CLDN10: variants seen among roughly 807,000 people sequenced by gnomAD.
The protein encoded by CLDN10 is claudin-10.
CLDN10 carries 15 observed loss-of-function variants against 22.9 expected under a neutral mutation model. The ratio of observed to expected loss-of-function variants is 0.65; its 90% confidence interval spans 0.44 to 1.01. The LOEUF (loss-of-function observed/expected upper bound fraction) is 1.01. Ranked by LOEUF, CLDN10 falls within the 50% of genes least tolerant of loss-of-function variation. The pLI is 0.00. For synonymous variants in CLDN10, 114 were observed against 111.4 expected (o/e 1.02, Z -0.15); for missense variants, 247 against 287.8 (o/e 0.86, Z 1.03).
chr13:95,522,056 T>G (rs1594584801), intron 1 of CLDN10, among the ~76,000 whole-genome samples: 1 of 152,216 alleles, frequency 6.6e-6, no homozygotes, highest in East Asian at 1.9e-4. Context: ...TTCTTTTCTT[T>G]TTCTTTTTTT....
intron 1 of CLDN10, among the ~76,000 whole-genome samples, chr13:95,458,699 G>A (rs1223780616): frequency 6.6e-6 from 1 of 152,140 alleles, no homozygotes; most frequent in Non-Finnish European, 1.5e-5. Context: ...CACAATTCAA[G>A]ATGAGATTTT....
intron 1 of CLDN10, among the ~76,000 whole-genome samples, chr13:95,518,366 G>A (rs1318498178): frequency 6.6e-6 from 1 of 152,112 alleles, no homozygotes; most frequent in Admixed American, 6.5e-5. Flanking sequence ...ACAAAGTTCT[G>A]TTATAGATCA....
At chr13:95,489,554 G>C (rs2042846816) in intron 1 of CLDN10, among the ~76,000 whole-genome samples, 1 of 151,752 alleles carries the variant, frequency 6.6e-6, no homozygotes, top group Non-Finnish European at 1.5e-5. Flanking sequence ...CATGTCCTTG[G>C]GCCACTTTTT....
chr13:95,565,242 AAACCACT>A (rs1484737527), intron 3 of CLDN10, among the ~76,000 whole-genome samples: 1 of 152,186 alleles, frequency 6.6e-6, no homozygotes, highest in Non-Finnish European at 1.5e-5. Flanking sequence ...TTTGTTATCC[AAACCACT>A]AACTTTCTGA....
chr13:95,479,771 T>G (rs1331808095), intron 1 of CLDN10: 1 of 152,232 alleles, frequency 6.6e-6, no homozygotes, highest in Non-Finnish European at 1.5e-5. Context: ...CAGTGACAGA[T>G]GCAGGGTTTG....
intron 1 of CLDN10, among the ~76,000 whole-genome samples, chr13:95,444,682 C>T (rs1447687809): frequency 1.3e-5 from 2 of 152,176 alleles, no homozygotes; most frequent in Non-Finnish European, 2.9e-5. Flanking sequence ...CTCATCCAAC[C>T]CAAAAATTAT....
chr13:95,540,182 C>T (rs1436356119), intron 1 of CLDN10, among the ~76,000 whole-genome samples: 2 of 152,070 alleles, frequency 1.3e-5, no homozygotes, highest in Admixed American at 1.3e-4. Flanking sequence ...TGCCTGTAGT[C>T]CCAGCTACTT....
rs2043142251 is a variant in CLDN10, at chr13:95,514,568, A to G, written c.215-45564A>G. Among the ~76,000 whole-genome samples, 3 of 152,158 alleles carry G rather than the reference A, an allele frequency of 2.0e-5. 1 individual carries two copies. Among genetic ancestry groups the G allele is most frequent in the Admixed American group, 6.5e-5 (1 of 15,274 alleles). ...GAAGAGAGGAGTAAAAGTGTTTCAG[A>G]CAAAAGGATCCCTAAGTGCAAAGTC... On this transcript the variant is annotated intron_variant, in intron 1 of 4. Coordinates refer to the CLDN10 transcript ENST00000376873.
rs181691198 is a variant in CLDN10 at position 95,504,232 on chromosome 13, C to T, written c.215-55900C>T. Among the ~76,000 whole-genome samples, 124 of 152,246 alleles carry T rather than the reference C, an allele frequency of 8.1e-4. 1 individual carries two copies. Among genetic ancestry groups the T allele is most frequent in the Non-Finnish European group, 1.6e-3 (108 of 68,018 alleles). ...TAAGTTACAGAAGACTATATATGGG[C>T]ATATTTATGGACAGGAAAACAGGAA... is the stretch of plus-strand genomic sequence containing the variant. On this transcript the variant is annotated intron_variant, in intron 1 of 4. Coordinates refer to the CLDN10 transcript ENST00000376873.
upstream of CLDN10, among the ~76,000 whole-genome samples, chr13:95,549,273 A>G (rs2043541052): frequency 6.6e-6 from 1 of 152,244 alleles, no homozygotes. Flanking sequence ...TTTATATTTA[A>G]ATTAAGAATA....
intron 1 of CLDN10, among the ~76,000 whole-genome samples, chr13:95,520,746 G>A (rs1350510509): frequency 6.6e-6 from 1 of 152,130 alleles, no homozygotes; most frequent in Non-Finnish European, 1.5e-5. Context: ...ACATTGAAAG[G>A]CAGAGGCAGG....
chr13:95,574,114 C>G (rs1026938582), intron 3 of CLDN10, among the ~76,000 whole-genome samples: 1 of 152,162 alleles, frequency 6.6e-6, no homozygotes, highest in African/African-American at 2.4e-5. Context: ...TTAATCCAGT[C>G]CATCATTGAT....
intron 1 of CLDN10, among the ~76,000 whole-genome samples, chr13:95,458,033 G>T (rs2042498954): frequency 6.6e-6 from 1 of 152,158 alleles, no homozygotes; most frequent in Non-Finnish European, 1.5e-5. Flanking sequence ...GGGTCTAATG[G>T]GGGTTGGCTG....
At chr13:95,506,791 G>A (rs915098474) in intron 1 of CLDN10, among the ~76,000 whole-genome samples, 2 of 152,184 alleles carry the variant, frequency 1.3e-5, no homozygotes, top group Admixed American at 6.5e-5. Context: ...CAAAAGGAAG[G>A]GGAGGGAAGA....
At chr13:95,518,501 A>T (rs1169596501) in intron 1 of CLDN10, among the ~76,000 whole-genome samples, 1 of 152,194 alleles carries the variant, frequency 6.6e-6, no homozygotes, top group African/African-American at 2.4e-5. Flanking sequence ...CACGCCTGTA[A>T]TCCCAGCACT....
At chr13:95,568,112 C>T (rs987258953) in intron 3 of CLDN10, among the ~76,000 whole-genome samples, 1 of 152,134 alleles carries the variant, frequency 6.6e-6, no homozygotes, top group African/African-American at 2.4e-5. Context: ...CTCTTCTATA[C>T]TTATTATAAT....
intron 1 of CLDN10, among the ~76,000 whole-genome samples, chr13:95,475,322 G>T (rs186215616): frequency 2.0e-4 from 31 of 152,296 alleles, no homozygotes; most frequent in African/African-American, 7.2e-4. Context: ...GTTCAAAAGG[G>T]GAGCACCTGG....
Position 95,486,522 on chromosome 13 carries a change from C to CA in CLDN10, c.214+52496dup, listed in dbSNP as rs35424054. Among the ~76,000 whole-genome samples the CA allele has an allele frequency of 3.8e-3, 431 of 113,320 alleles. 4 individuals carry two copies. The highest frequency in any genetic ancestry group is 6.5e-3 in the East Asian group (24 of 3,690). The allele number at this position is 113,320 out of a possible 152,430, so 74.3% of individuals were successfully genotyped here. On this transcript the variant is annotated intron_variant, in intron 1 of 4. Coordinates refer to the CLDN10 transcript ENST00000376873. ...TGGGCAACACAGTGAGACCCCATCT[C>CA]AAAAAAAAAAAAAAAAAAAAAGATG...
At chr13:95,472,746 T>A (rs2042647678) in intron 1 of CLDN10, among the ~76,000 whole-genome samples, 1 of 151,910 alleles carries the variant, frequency 6.6e-6, no homozygotes. Flanking sequence ...AGGGAGCTGA[T>A]TCCCGTAGCA....
Sources: gnomAD v4.1 joint callset for allele counts (sites outside exome capture counted in the v4.1 genomes callset) on GRCh38, gnomAD v4.1.1 for gene constraint, MANE v1.5 for transcripts, NCBI Gene and HGNC (gene_info 2026-07-23, HGNC 2026-07-21) for gene names.